The following PKIB variants were observed in gnomAD, a reference collection of about 807,000 sequenced individuals.
PKIB encodes the protein PKI-beta.
In PKIB, 2 loss-of-function variants were observed where a neutral mutation model predicts 4.5. The observed-to-expected ratio is 0.44, with a 90% CI of 0.18 to 1.39. The LOEUF is 1.39. Ranked by LOEUF, PKIB falls within the 40% of genes most tolerant of loss-of-function variation. The pLI, the probability that PKIB is intolerant of heterozygous loss-of-function variation, is 0.27. For missense variants in PKIB, 94 were observed against 92.6 expected, an observed-to-expected ratio of 1.02 and a Z score of -0.06; for synonymous variants, 38 against 36.0, an observed-to-expected ratio of 1.06 and a Z score of -0.20.
chr6:122,554,107 A>G (rs565350767), intron 2 of PKIB, among the ~76,000 whole-genome samples: 35 of 152,346 alleles, frequency 2.3e-4, no homozygotes, highest in South Asian at 2.1e-3. Context: ...AAATTTGTCA[A>G]TTAAAAATTT....
intron 1 of PKIB, among the ~76,000 whole-genome samples, chr6:122,477,144 A>G (rs1775468807): frequency 6.6e-6 from 1 of 152,228 alleles, no homozygotes; most frequent in Non-Finnish European, 1.5e-5. Context: ...ATTATTTTTC[A>G]TATAAGTCTT....
chr6:122,472,634 TAAG>T (rs896971107), intron 1 of PKIB, among the ~76,000 whole-genome samples: 10 of 152,158 alleles, frequency 6.6e-5, no homozygotes, highest in African/African-American at 2.4e-4. Context: ...TAACTAATAA[TAAG>T]AAAGTGTTGT....
chr6:122,689,894 T>G (rs1778253486), intron 3 of PKIB, among the ~76,000 whole-genome samples: 1 of 152,182 alleles, frequency 6.6e-6, no homozygotes, highest in African/African-American at 2.4e-5. Flanking sequence ...TCTATCTCTC[T>G]CTCCAGCTCT....
intron 2 of PKIB, among the ~76,000 whole-genome samples, chr6:122,667,487 A>G (rs1308633618): frequency 1.3e-5 from 2 of 151,992 alleles, no homozygotes. Flanking sequence ...CAGTGAGCCG[A>G]GATGACGCCA....
chr6:122,626,653 G>T (rs1478996007), intron 1 of PKIB, among the ~76,000 whole-genome samples: 1 of 152,164 alleles, frequency 6.6e-6, no homozygotes. Flanking sequence ...AATGTTTTTT[G>T]TGTGGTCTAT....
At chr6:122,616,593 C>T (rs1488525621) in intron 1 of PKIB, among the ~76,000 whole-genome samples, 1 of 152,054 alleles carries the variant, frequency 6.6e-6, no homozygotes, top group Non-Finnish European at 1.5e-5. Context: ...ATAGAAAAGA[C>T]AATTTATGGA....
intron 2 of PKIB, chr6:122,644,756 T>C (rs1776246383): frequency 1.2e-5 from 1 of 85,758 alleles, no homozygotes; most frequent in South Asian, 3.1e-4. Context: ...TTGAAATTAT[T>C]AAACTTAAAC....
intron 2 of PKIB, among the ~76,000 whole-genome samples, chr6:122,573,317 C>T (rs937740072): frequency 6.6e-6 from 1 of 151,910 alleles, no homozygotes; most frequent in African/African-American, 2.4e-5. Context: ...CACTTAAACC[C>T]AGAAGGTTAA....
chr6:122,606,741 C>A (rs1774551489), upstream of PKIB, among the ~76,000 whole-genome samples: 1 of 151,760 alleles, frequency 6.6e-6, no homozygotes, highest in Non-Finnish European at 1.5e-5. Context: ...TTAATGGCAA[C>A]CCTAAAAAAA....
At chr6:122,611,709 G>A (rs1774766183) in intron 1 of PKIB, among the ~76,000 whole-genome samples, 1 of 151,918 alleles carries the variant, frequency 6.6e-6, no homozygotes, top group South Asian at 2.1e-4. Flanking sequence ...AATCCTCCTG[G>A]GATTTTATAT....
chr6:122,475,817 C>T (rs748043053), intron 1 of PKIB, among the ~76,000 whole-genome samples: 1 of 151,924 alleles, frequency 6.6e-6, no homozygotes, highest in South Asian at 2.1e-4. Flanking sequence ...ATAATCAATC[C>T]ATAAGGATAT....
chr6:122,629,468 GA>G (rs1775603324), intron 1 of PKIB, among the ~76,000 whole-genome samples: 1 of 152,138 alleles, frequency 6.6e-6, no homozygotes, highest in Non-Finnish European at 1.5e-5. Context: ...CTCTTGTGCA[GA>G]AAAATTCCAA....
intron 2 of PKIB, among the ~76,000 whole-genome samples, chr6:122,535,504 A>G (rs552603740): frequency 2.1e-4 from 32 of 152,276 alleles, no homozygotes; most frequent in Admixed American, 3.9e-4. Context: ...CTGTTGTCCT[A>G]TGCTGCCATG....
intron 2 of PKIB, among the ~76,000 whole-genome samples, chr6:122,671,290 C>CAAAA (rs66952964): frequency 8.3e-6 from 1 of 119,840 alleles, no homozygotes. Flanking sequence ...GACTCTGTCT[C>CAAAA]AAAAAAAAAA....
chr6:122,487,598 G>C (rs755409530), intron 2 of PKIB, among the ~76,000 whole-genome samples: 26 of 152,174 alleles, frequency 1.7e-4, no homozygotes, highest in Non-Finnish European at 2.9e-4. Flanking sequence ...GTGCTGTTTT[G>C]TTGTGTTTTG....
intron 3 of PKIB, among the ~76,000 whole-genome samples, chr6:122,603,995 T>A (rs948073359): frequency 1.3e-5 from 2 of 152,140 alleles, no homozygotes; most frequent in Admixed American, 6.5e-5. Flanking sequence ...AATAAAAAGG[T>A]GCACATTAGC....
chr6:122,572,335 C>G (rs1773391307), intron 2 of PKIB, among the ~76,000 whole-genome samples: 1 of 152,002 alleles, frequency 6.6e-6, no homozygotes, highest in South Asian at 2.1e-4. Context: ...ACCCTCCAAA[C>G]TATACAAATA....
chr6:122,582,765 G>A (rs1773740275), intron 2 of PKIB, among the ~76,000 whole-genome samples: 1 of 152,076 alleles, frequency 6.6e-6, no homozygotes, highest in Non-Finnish European at 1.5e-5. Flanking sequence ...AGTACAGACT[G>A]TAATAGAGGC....
chr6:122,587,644 CA>C (rs1417746219), intron 3 of PKIB, among the ~76,000 whole-genome samples: 1 of 152,190 alleles, frequency 6.6e-6, no homozygotes, highest in African/African-American at 2.4e-5. Flanking sequence ...GCCCCACCAA[CA>C]GTGTAAAAGT....
Sources: gnomAD v4.1 joint callset for allele counts (sites outside exome capture counted in the v4.1 genomes callset) on GRCh38, gnomAD v4.1.1 for gene constraint, MANE v1.5 for transcripts, NCBI Gene and HGNC (gene_info 2026-07-23, HGNC 2026-07-21) for gene names.